The following C2CD3 variants were observed in gnomAD, a reference collection of about 807,000 sequenced individuals.
C2CD3 encodes C2 domain containing 3 centriole elongation regulator, also known as C2 domain-containing protein 3.
Under a neutral mutation model 234.0 loss-of-function variants are expected in C2CD3, and 148 were observed. The ratio of observed to expected loss-of-function variants is 0.63; its 90% CI spans 0.55 to 0.72. The LOEUF (loss-of-function observed/expected upper bound fraction) is 0.72, where lower values mean the gene tolerates loss of function less well. Ranked by LOEUF, C2CD3 falls within the 30% of genes least tolerant of loss-of-function variation. The pLI, the probability that C2CD3 is intolerant of heterozygous loss-of-function variation, is 0.00. For synonymous variants in C2CD3, 1,000 were observed against 1,035.4 expected, an observed-to-expected ratio of 0.97 and a Z score of 0.66; for missense variants, 2,577 against 2,811.5, an observed-to-expected ratio of 0.92 and a Z score of 1.89.
chr11:74,103,744 C>T lies in C2CD3; in HGVS notation c.2086-119G>A, dbSNP rs369898053. 35 of 776,506 alleles carry T rather than the reference C, an allele frequency of 4.5e-5. 1 individual carries two copies. The highest frequency in any genetic ancestry group is 2.2e-4 in the Admixed American group (8 of 35,676). The allele number at this position is 776,506 out of a possible 1,614,324, so 48.1% of individuals were successfully genotyped here. A position where few individuals can be genotyped will look rare whatever the true frequency, so the allele number is the denominator to read the frequency against. ...ATGAATTAACTCATCCTCAAACACT[C>T]TAATAGTAAGAATATTAACAGAATG... On this transcript the variant is annotated intron_variant, in intron 13 of 32. Transcript: ENST00000334126.
chr11:74,101,357 TAGA>T (rs1956309097), intron 14 of C2CD3, among the ~76,000 whole-genome samples: 1 of 152,006 alleles, frequency 6.6e-6, no homozygotes, highest in Non-Finnish European at 1.5e-5. Flanking sequence ...ACTGTAACAG[TAGA>T]AGGTCAATAA....
intron 24 of C2CD3, among the ~76,000 whole-genome samples, chr11:74,065,830 C>T (rs1198854391): frequency 6.8e-6 from 1 of 146,508 alleles, no homozygotes; most frequent in Admixed American, 7.1e-5. Context: ...AACCAAACAC[C>T]GCATGTTTTC....
At chr11:74,136,764 C>T (rs2135541081) in intron 5 of C2CD3, among the ~76,000 whole-genome samples, 1 of 151,986 alleles carries the variant, frequency 6.6e-6, no homozygotes, top group South Asian at 2.1e-4. Flanking sequence ...AACACATGGA[C>T]ACAGGGAGGG....
chr11:74,096,962 C>A (rs1347867883), intron 16 of C2CD3, among the ~76,000 whole-genome samples: 1 of 151,828 alleles, frequency 6.6e-6, no homozygotes, highest in Non-Finnish European at 1.5e-5. Context: ...CTGGCCTGGG[C>A]AATATGGTGA....
chr11:74,019,427 T>C (rs1043412521), intron 32 of C2CD3, among the ~76,000 whole-genome samples: 1 of 152,200 alleles, frequency 6.6e-6, no homozygotes, highest in Non-Finnish European at 1.5e-5. Context: ...GACCTTTAGG[T>C]CTCTCTTAGG....
chr11:74,029,918 G>T (rs1219397197), intron 31 of C2CD3, among the ~76,000 whole-genome samples: 1 of 152,072 alleles, frequency 6.6e-6, no homozygotes, highest in Admixed American at 6.5e-5. Flanking sequence ...ACCATGCCTG[G>T]CTAATTTTTG....
intron 26 of C2CD3, among the ~76,000 whole-genome samples, chr11:74,053,045 C>T (rs1372486009): frequency 1.3e-5 from 2 of 152,170 alleles, no homozygotes; most frequent in African/African-American, 2.4e-5. Flanking sequence ...GTCCTCATCA[C>T]CTCAATTTTC....
chr11:74,146,679 ATTTAC>A (rs1188866656), intron 3 of C2CD3, among the ~76,000 whole-genome samples: 2 of 150,178 alleles, frequency 1.3e-5, no homozygotes, highest in Non-Finnish European at 3.0e-5. Context: ...TTACTGTCTT[ATTTAC>A]TTTGTCTACA....
At chr11:74,135,324 C>T (rs1198918337) in intron 5 of C2CD3, among the ~76,000 whole-genome samples, 1 of 151,152 alleles carries the variant, frequency 6.6e-6, no homozygotes, top group Non-Finnish European at 1.5e-5. Context: ...CTAGAGTGCA[C>T]TGGCATGATC....
At chr11:74,022,584 T>G (rs1565202558) in intron 32 of C2CD3, among the ~76,000 whole-genome samples, 1 of 152,194 alleles carries the variant, frequency 6.6e-6, no homozygotes, top group Non-Finnish European at 1.5e-5. Context: ...AGACACAGTC[T>G]GAGGAAGACA....
At chr11:74,072,595 G>T (rs1042736034) in intron 24 of C2CD3, among the ~76,000 whole-genome samples, 7 of 152,190 alleles carry the variant, frequency 4.6e-5, no homozygotes, top group Non-Finnish European at 1.0e-4. Flanking sequence ...TCAAGACAGA[G>T]AGAAAGAATA....
At chr11:74,072,482 T>C (rs1237359072) in intron 24 of C2CD3, among the ~76,000 whole-genome samples, 2 of 152,180 alleles carry the variant, frequency 1.3e-5, no homozygotes, top group Admixed American at 1.3e-4. Context: ...AATCAAATGA[T>C]GTATATTGAA....
intron 18 of C2CD3, among the ~76,000 whole-genome samples, chr11:74,093,137 C>T (rs1590780412): frequency 1.3e-5 from 2 of 151,860 alleles, no homozygotes; most frequent in South Asian, 4.2e-4. Flanking sequence ...GTACTCATCC[C>T]TAGTTCTGTT....
intron 23 of C2CD3, among the ~76,000 whole-genome samples, chr11:74,076,647 A>T (rs1447618693): frequency 6.6e-6 from 1 of 152,136 alleles, no homozygotes; most frequent in African/African-American, 2.4e-5. Context: ...ATCTCTAATC[A>T]CTTCCCAATC....
intron 32 of C2CD3, among the ~76,000 whole-genome samples, chr11:74,020,354 G>A (rs1447649776): frequency 6.6e-5 from 10 of 152,348 alleles, no homozygotes; most frequent in African/African-American, 2.4e-4. Context: ...AACTTCTGTT[G>A]ATTCTAAGGT....
At chr11:74,159,283 C>G (rs894459919) in intron 3 of C2CD3, among the ~76,000 whole-genome samples, 2 of 152,232 alleles carry the variant, frequency 1.3e-5, no homozygotes, top group African/African-American at 4.8e-5. Context: ...TATACTTTTT[C>G]TTTTTGTTTT....
intron 32 of C2CD3, among the ~76,000 whole-genome samples, chr11:74,015,900 CAA>C (rs553153104): frequency 7.5e-4 from 70 of 93,284 alleles, no homozygotes; most frequent in Admixed American, 8.4e-4. Context: ...AACCCTGTCT[CAA>C]AAAAAAAAAA....
intron 3 of C2CD3, among the ~76,000 whole-genome samples, chr11:74,140,470 C>T (rs1958018029): frequency 6.6e-6 from 1 of 152,158 alleles, no homozygotes; most frequent in African/African-American, 2.4e-5. Flanking sequence ...AGGCCAGTAA[C>T]TGTGCTAAGT....
At chr11:74,020,737 A>T (rs1452272609) in intron 32 of C2CD3, among the ~76,000 whole-genome samples, 1 of 152,214 alleles carries the variant, frequency 6.6e-6, no homozygotes, top group Non-Finnish European at 1.5e-5. Context: ...TTGTTAAAAG[A>T]TGCAAATTTC....
Sources: gnomAD v4.1 joint callset for allele counts (sites outside exome capture counted in the v4.1 genomes callset) on GRCh38, gnomAD v4.1.1 for gene constraint, MANE v1.5 for transcripts, NCBI Gene and HGNC (gene_info 2026-07-23, HGNC 2026-07-21) for gene names.